Variants in USP40 observed in about 807,000 individuals in gnomAD.
USP40 encodes the protein ubiquitin specific peptidase 40.
A neutral mutation model predicts 166.2 loss-of-function variants in USP40; 143 were observed. The ratio of observed to expected loss-of-function variants is 0.86; its 90% CI spans 0.75 to 0.99. The LOEUF is 0.99. Ranked by LOEUF, USP40 falls within the 50% of genes least tolerant of loss-of-function variation. The pLI, the probability that USP40 is intolerant of heterozygous loss-of-function variation, is 0.00. For synonymous variants in USP40, 498 were observed against 524.0 expected (o/e 0.95, Z 0.68); for missense variants, 1,444 against 1,479.7 (o/e 0.98, Z 0.40).
chr2:233,503,352 A>G (rs1401497140), intron 21 of USP40, among the ~76,000 whole-genome samples: 2 of 152,224 alleles, frequency 1.3e-5, no homozygotes, highest in Non-Finnish European at 2.9e-5. Context: ...GACACAGCGT[A>G]TCTATTTAAT....
chr2:233,541,308 A>C (rs1036282155), intron 9 of USP40, among the ~76,000 whole-genome samples: 3 of 152,238 alleles, frequency 2.0e-5, no homozygotes, highest in African/African-American at 7.2e-5. Flanking sequence ...GATTAAGGTA[A>C]AACGAGGCTG....
chr2:233,529,713 C>A (rs1022194301), intron 11 of USP40, among the ~76,000 whole-genome samples: 5 of 151,594 alleles, frequency 3.3e-5, no homozygotes, highest in African/African-American at 1.2e-4. Context: ...GTAAACATTT[C>A]TTTAAGACAA....
rs566672523 is a variant in USP40 at position 233,540,693 on chromosome 2, T to C, written c.1139A>G (p.Lys380Arg). The C allele has an allele frequency of 6.2e-7, 1 of 1,613,002 alleles. No individual in the cohort carries two copies. The highest frequency in any genetic ancestry group is 1.7e-5 in the Admixed American group (1 of 59,960). ...CAGTGGTCCATGCTGTTTTCTGTAC[T>C]TCTTGTTCCAAGATATTCCTATCTT... ...LKKIGISWNK[K>R]YRKQHGPLRK... Residue 380 changes from lysine to arginine, a missense_variant, in exon 10 of 32, where the codon AAG becomes AGG. Transcript: ENST00000678225.
At chr2:233,517,901 A>G (rs991849875) in intron 18 of USP40, among the ~76,000 whole-genome samples, 1 of 151,788 alleles carries the variant, frequency 6.6e-6, no homozygotes, top group Non-Finnish European at 1.5e-5. Flanking sequence ...ATTGGAAACT[A>G]TTATTATAAG....
At chr2:233,555,062 G>A (rs1288383960) in intron 5 of USP40, among the ~76,000 whole-genome samples, 1 of 152,130 alleles carries the variant, frequency 6.6e-6, no homozygotes, top group Non-Finnish European at 1.5e-5. Flanking sequence ...GTGTGGTGGT[G>A]CATGCCTGTA....
chr2:233,540,406 T>C (rs2069295162), intron 10 of USP40, among the ~76,000 whole-genome samples: 1 of 152,128 alleles, frequency 6.6e-6, no homozygotes, highest in Admixed American at 6.5e-5. Flanking sequence ...CTAAGTAAAA[T>C]GATAAGCTTT....
chr2:233,562,888 TA>T, intron 2 of USP40, 85 bp from the exon 3 acceptor site: 1 of 951,364 alleles, frequency 1.1e-6, no homozygotes, highest in Non-Finnish European at 1.5e-6. Flanking sequence ...CACCTTTAAG[TA>T]AAATCAAGTA....
chr2:233,562,093 GA>G (rs1460271162), intron 3 of USP40, among the ~76,000 whole-genome samples: 8 of 145,162 alleles, frequency 5.5e-5, no homozygotes, highest in Admixed American at 1.4e-4. Context: ...AGGATGTGGA[GA>G]AATAGGAACA....
rs776436640 is a variant in USP40 at position 233,523,317 on chromosome 2, G to C, written c.2054C>G (p.Ala685Gly). ...GTVLTALAIP[A>G]GVIFINSAGC... is the part of the protein sequence containing the mutation. ...AGCACTGTTGATGAAGATGACACCT[G>C]CTGGGATTGCTAAGGCTGTGAGGAC... Residue 685 changes from alanine to glycine, a missense_variant, in exon 16 of 32, where the codon GCA becomes GGA. Ala to Gly is a moderately conservative substitution (Grantham distance 60, BLOSUM62 0). Coordinates refer to ENST00000678225, the MANE Select transcript of USP40 (RefSeq NM_001365479.2). 1 of 1,614,034 alleles carries C rather than the reference G, an allele frequency of 6.2e-7. No homozygotes were observed. Among genetic ancestry groups the C allele is most frequent in the Non-Finnish European group, 8.5e-7 (1 of 1,179,884 alleles).
In USP40 at chr2:233,485,821, A is replaced by C. The variant is rs764113518; in HGVS notation, c.3354T>G (p.Ile1118Met). Reference protein sequence around the residue: ...ADFYRLPVEKIEIAKYFPEKF... With the variant: ...ADFYRLPVEKMEIAKYFPEKF... Reference sequence around the variant, plus strand: ...TTTCGGGAAAGTATTTGGCAATTTCAATCTTCTCCACGGGAAGACGATAGA... The same window carrying C: ...TTTCGGGAAAGTATTTGGCAATTTCCATCTTCTCCACGGGAAGACGATAGA... The change falls in exon 29 of 32, where the codon ATT (isoleucine) becomes ATG (methionine). Residue 1118 changes from isoleucine to methionine, a missense_variant. Physicochemically the swap from Ile to Met is conservative, Grantham distance 10. Transcript: ENST00000678225. 1.2e-6 allele frequency: 2 copies of C among 1,612,142 alleles called. No individual in the cohort carries two copies. Among genetic ancestry groups the C allele is most frequent in the Non-Finnish European group, 1.7e-6 (2 of 1,179,412 alleles).
chr2:233,541,099 T>G (rs906264881), intron 9 of USP40, among the ~76,000 whole-genome samples: 1 of 152,158 alleles, frequency 6.6e-6, no homozygotes, highest in Non-Finnish European at 1.5e-5. Context: ...AACAAGAATT[T>G]TGGAAGAGAT....
At chr2:233,564,991 A>C (rs1195513205) in intron 2 of USP40, among the ~76,000 whole-genome samples, 1 of 152,246 alleles carries the variant, frequency 6.6e-6, no homozygotes, top group Non-Finnish European at 1.5e-5. Flanking sequence ...AATTGGTTGG[A>C]TAACTCTGGC....
intron 30 of USP40, 109 bp downstream of exon 30, chr2:233,485,422 T>G (rs1033662764): frequency 2.2e-6 from 2 of 894,008 alleles, no homozygotes; most frequent in Admixed American, 2.9e-5. Flanking sequence ...TGAAACAATT[T>G]GTATAAAATG....
At chr2:233,538,911 C>T (rs940398060) in intron 10 of USP40, among the ~76,000 whole-genome samples, 3 of 151,948 alleles carry the variant, frequency 2.0e-5, no homozygotes, top group Non-Finnish European at 2.9e-5. Flanking sequence ...TGCCTGTGGT[C>T]GCAACTACTC....
chr2:233,491,580 A>T lies in USP40; in HGVS notation c.2918-319T>A, dbSNP rs544482017. Among the ~76,000 whole-genome samples the T allele has an allele frequency of 4.0e-5, 6 of 150,518 alleles. No individual in the cohort carries two copies. In the South Asian group the frequency reaches 1.3e-3, roughly 32 times the overall value. On this transcript the variant is annotated intron_variant, in intron 25 of 31. Coordinates refer to ENST00000678225, the MANE Select transcript of USP40 (RefSeq NM_001365479.2). Reference sequence around the variant, plus strand: ...TGTTAGCTTCCTGTTTCCTCATCATAACACTCATCCCAACCTGTTCCTCGT... The same window carrying T: ...TGTTAGCTTCCTGTTTCCTCATCATTACACTCATCCCAACCTGTTCCTCGT...
rs1231001091 is a variant in USP40 at position 233,525,689 on chromosome 2, C to G, written c.1726-127G>C. ...AGCAAGCAAATGAATACTCTCACCC[C>G]CACCCAACACCGAAAACTTGAAAAG... On this transcript the variant is annotated intron_variant, in intron 13 of 31. Coordinates refer to ENST00000678225, the MANE Select transcript of USP40 (RefSeq NM_001365479.2). 10 of 595,548 alleles carry G rather than the reference C, an allele frequency of 1.7e-5. No homozygotes were observed. In the East Asian group the frequency reaches 2.9e-4, roughly 17 times the overall value. 36.9% of individuals were successfully genotyped at this position (595,548 alleles called of 1,614,324 possible).
At chr2:233,536,831 T>TAA (rs1310588870) in intron 10 of USP40, among the ~76,000 whole-genome samples, 2 of 152,166 alleles carry the variant, frequency 1.3e-5, no homozygotes, top group East Asian at 1.9e-4. Flanking sequence ...AATAAAAACT[T>TAA]AAAAATACAG....
At position 233,510,094 on chromosome 2, in the gene USP40, CCCAGGTTGAACGT is replaced by C; in HGVS notation, c.2555_2567del (p.Asp852GlyfsTer7). 1 of 1,604,414 alleles carries C rather than the reference CCCAGGTTGAACGT, an allele frequency of 6.2e-7. No homozygotes were observed. The highest frequency in any genetic ancestry group is 8.5e-7 in the Non-Finnish European group (1 of 1,175,028). Reference sequence around the variant, plus strand: ...CTTCTACTACGATTTCCATTTCTGTCCCAGGTTGAACGTCACTCCCCATTGCAAAAAACAGGAA... The same window carrying C: ...CTTCTACTACGATTTCCATTTCTGTCCACTCCCCATTGCAAAAAACAGGAA... On this transcript the variant is annotated frameshift_variant, in exon 21 of 32. Transcript: ENST00000678225. LOFTEE classifies it high-confidence loss of function.
At chr2:233,485,125 C>G (rs751092028) in intron 30 of USP40, among the ~76,000 whole-genome samples, 2 of 152,110 alleles carry the variant, frequency 1.3e-5, no homozygotes, top group Non-Finnish European at 2.9e-5. Flanking sequence ...TATGCTTTTT[C>G]TGCATCTCTT....
Sources: gnomAD v4.1 joint callset for allele counts (sites outside exome capture counted in the v4.1 genomes callset) on GRCh38, gnomAD v4.1.1 for gene constraint, MANE v1.5 for transcripts, NCBI Gene and HGNC (gene_info 2026-07-23, HGNC 2026-07-21) for gene names.